The following CLUL1 variants were observed in gnomAD, a reference collection of about 807,000 sequenced individuals.
The protein encoded by CLUL1 is clusterin-like protein 1.
CLUL1 carries 43 observed loss-of-function variants against 49.4 expected under a neutral mutation model. The ratio of observed to expected loss-of-function variants is 0.87; its 90% CI spans 0.68 to 1.12. The LOEUF is 1.12. CLUL1 is among the 50% of genes most tolerant of loss of function. The pLI is 0.00. For missense variants in CLUL1, 486 were observed against 544.4 expected, an observed-to-expected ratio of 0.89 and a Z score of 1.07; for synonymous variants, 192 against 184.9, an observed-to-expected ratio of 1.04 and a Z score of -0.31.
chr18:619,895 A>G (rs771056401), intron 4 of CLUL1, among the ~76,000 whole-genome samples: 1 of 151,996 alleles, frequency 6.6e-6, no homozygotes, highest in East Asian at 1.9e-4. Context: ...TTTTTAGAAG[A>G]GACGGGGTTT....
chr18:632,591 A>AG (rs1567971249), intron 6 of CLUL1, among the ~76,000 whole-genome samples: 1 of 152,166 alleles, frequency 6.6e-6, no homozygotes, highest in East Asian at 1.9e-4. Flanking sequence ...TATAAGACAA[A>AG]TGATTTTTAA....
Position 606,864 on chromosome 18 carries a change from A to G in CLUL1, c.-135-114A>G. On this transcript the variant is annotated intron_variant, in intron 1 of 9. Transcript: ENST00000692774. This position sits in a 1 kb window ranked among gnomAD's most constrained non-coding sequence, Gnocchi z 4.1. ...CCTTCCCCCACCAGCACCCCCCACAAGGCAAGGCCAGTTCACCCTCAGTGC... is the reference window on the plus strand; with the variant it reads ...CCTTCCCCCACCAGCACCCCCCACAGGGCAAGGCCAGTTCACCCTCAGTGC... The G allele has an allele frequency of 2.0e-6, 1 of 507,872 alleles. No individual in the cohort carries two copies. Among genetic ancestry groups the G allele is most frequent in the Non-Finnish European group, 3.5e-6 (1 of 286,218 alleles). 31.5% of individuals were successfully genotyped at this position (507,872 alleles called of 1,614,324 possible).
At chr18:626,935 GAAGGAA>G (rs2073779891) in intron 5 of CLUL1, among the ~76,000 whole-genome samples, 156 bp from the exon 6 acceptor site, 1 of 2,442 alleles carries the variant, frequency 4.1e-4, no homozygotes, top group Non-Finnish European at 3.8e-3. Flanking sequence ...AAGAAGGAAA[GAAGGAA>G]AGAAGGAAGG....
chr18:646,536 AC>A (rs2074514899), intron 9 of CLUL1, among the ~76,000 whole-genome samples: 1 of 148,964 alleles, frequency 6.7e-6, no homozygotes. Context: ...ACACACACAC[AC>A]ACTATAAAGC....
At chr18:602,025 A>G (rs1169518951) in intron 1 of CLUL1, among the ~76,000 whole-genome samples, 1 of 152,156 alleles carries the variant, frequency 6.6e-6, no homozygotes, top group African/African-American at 2.4e-5. Flanking sequence ...GCTCAAGACC[A>G]GCTTGGGCAA....
intron 2 of CLUL1, among the ~76,000 whole-genome samples, chr18:616,032 A>C (rs946051558): frequency 2.6e-5 from 4 of 152,214 alleles, no homozygotes; most frequent in African/African-American, 4.8e-5. Context: ...CTAGTCTCTC[A>C]AAACTTGCAA....
intron 1 of CLUL1, among the ~76,000 whole-genome samples, chr18:605,935 G>A (rs188791110): frequency 6.6e-6 from 1 of 152,286 alleles, no homozygotes; most frequent in East Asian, 1.9e-4. Flanking sequence ...AAAGTGCTGG[G>A]ATTGCAGGCG....
intron 2 of CLUL1, among the ~76,000 whole-genome samples, chr18:608,658 C>A (rs547024544): frequency 6.6e-6 from 1 of 152,230 alleles, no homozygotes; most frequent in South Asian, 2.1e-4. Context: ...GTCGAGGCTG[C>A]AGTGAACCAT....
At chr18:630,172 G>C (rs1258087375) in intron 6 of CLUL1, among the ~76,000 whole-genome samples, 1 of 152,174 alleles carries the variant, frequency 6.6e-6, no homozygotes, top group East Asian at 1.9e-4. Context: ...GCAGTGGAAT[G>C]ATCTTGGCTC....
chr18:646,795 A>ACTGTTGCCCAGG (rs2074521578), intron 9 of CLUL1, among the ~76,000 whole-genome samples: 2 of 146,682 alleles, frequency 1.4e-5, no homozygotes, highest in Admixed American at 1.4e-4. Flanking sequence ...TGTCACCCAT[A>ACTGTTGCCCAGG]CTGGAGTACA....
chr18:629,330 T>C (rs183917714), intron 6 of CLUL1, among the ~76,000 whole-genome samples: 34 of 152,330 alleles, frequency 2.2e-4, no homozygotes, highest in Non-Finnish European at 3.7e-4. Flanking sequence ...CCTGACTGTT[T>C]ACATGGATAT....
intron 4 of CLUL1, among the ~76,000 whole-genome samples, chr18:619,898 C>T (rs142152622): frequency 3.0e-4 from 46 of 151,926 alleles, no homozygotes; most frequent in Non-Finnish European, 4.4e-4. Flanking sequence ...TTAGAAGAGA[C>T]GGGGTTTCAC....
chr18:644,842 G>C lies in CLUL1; in HGVS notation c.1210-68G>C. Reference sequence around the variant, plus strand: ...AACCCAGCCTATCCTGACTAAGGTGGTATTAAATTACTATTGAATGTGTAT... The same window carrying C: ...AACCCAGCCTATCCTGACTAAGGTGCTATTAAATTACTATTGAATGTGTAT... On this transcript the variant is annotated intron_variant, in intron 8 of 9. Coordinates refer to ENST00000692774, the MANE Select transcript of CLUL1 (RefSeq NM_001393344.1). 2.5e-6 allele frequency: 3 copies of C among 1,223,848 alleles called. No individual in the cohort carries two copies. In the South Asian group the frequency reaches 4.6e-5, roughly 19 times the overall value. The allele number at this position is 1,223,848 out of a possible 1,614,324, so 75.8% of individuals were successfully genotyped here.
intron 9 of CLUL1, among the ~76,000 whole-genome samples, chr18:646,992 C>T (rs781094914): frequency 6.6e-6 from 1 of 152,084 alleles, no homozygotes; most frequent in Admixed American, 6.6e-5. Context: ...CTCAAGTAAT[C>T]CACCCACCTT....
chr18:621,693 T>A (rs1048498131), intron 4 of CLUL1, among the ~76,000 whole-genome samples: 1 of 152,202 alleles, frequency 6.6e-6, no homozygotes. Flanking sequence ...TTTCATTTTA[T>A]AGCTAAGAAA....
Position 645,002 on chromosome 18 carries a change from C to T in CLUL1, c.1302C>T (p.Leu434=), listed in dbSNP as rs1360413699. The part of the protein sequence containing the change: ...LSILPSSNFT[L]KIPLEESAES... Reference sequence around the variant, plus strand: ...TTCTGCCTTCCTCTAATTTCACACTCAAGATCCCTCTTGAAGAAAGTGCTG... The same window carrying T: ...TTCTGCCTTCCTCTAATTTCACACTTAAGATCCCTCTTGAAGAAAGTGCTG... The change falls in exon 9 of 10, where the codon CTC becomes CTT. Residue 434 remains leucine, a synonymous_variant. Transcript: ENST00000692774. 6.2e-7 allele frequency: 1 copy of T among 1,613,760 alleles called. No homozygotes were observed. Among genetic ancestry groups the T allele is most frequent in the Non-Finnish European group, 8.5e-7 (1 of 1,179,716 alleles).
chr18:617,945 C>G, intron 2 of CLUL1, 43 bp from the exon 3 acceptor site: 1 of 1,525,444 alleles, frequency 6.6e-7, no homozygotes, highest in Non-Finnish European at 9.0e-7. Context: ...CAGAAACTAA[C>G]CAAATGGAAG....
Position 627,168 on chromosome 18 carries a change from C to A in CLUL1, c.495C>A (p.Pro165=). The A allele has an allele frequency of 6.2e-7, 1 of 1,612,690 alleles. No homozygotes were observed. Among genetic ancestry groups the A allele is most frequent in the Non-Finnish European group, 8.5e-7 (1 of 1,179,190 alleles). ...PFHEDNEKDL[P]ISEKLIEEDA... is the part of the protein sequence containing the mutation. ...ATGAAGATAATGAAAAAGATCTCCC[C>A]ATCAGTGAAAAGCTCATTGAGGAAG... Residue 165 remains proline (P), a synonymous_variant, in exon 6 of 10, where the codon CCC becomes CCA. Transcript: ENST00000692774.
rs1025168220 is a variant in CLUL1 at position 609,953 on chromosome 18, C to T, written c.-14+2854C>T. Among the ~76,000 whole-genome samples the T allele has an allele frequency of 8.5e-5, 13 of 152,100 alleles. No individual in the cohort carries two copies. In the South Asian group the frequency reaches 1.0e-3, roughly 12 times the overall value. ...ACTTAACAAAACAAGTGAGATATTC[C>T]AATACTATATATATGCTCCTGTTTA... On this transcript the variant is annotated intron_variant, in intron 2 of 9. Coordinates refer to ENST00000692774, the MANE Select transcript of CLUL1 (RefSeq NM_001393344.1).
Sources: gnomAD v4.1 joint callset for allele counts (sites outside exome capture counted in the v4.1 genomes callset) on GRCh38, gnomAD v4.1.1 for gene constraint, Gnocchi (gnomAD v3.1) non-coding constraint, MANE v1.5 for transcripts, NCBI Gene and HGNC (gene_info 2026-07-23, HGNC 2026-07-21) for gene names.